The following EXOC8 variants were observed in gnomAD, a reference collection of about 807,000 sequenced individuals.
EXOC8 encodes the protein exocyst complex 84 kDa subunit.
Under a neutral mutation model 50.8 loss-of-function variants are expected in EXOC8, and 19 were observed. The ratio of observed to expected loss-of-function variants is 0.37; its 90% confidence interval spans 0.26 to 0.55. The LOEUF (loss-of-function observed/expected upper bound fraction) is 0.55, where lower values mean the gene tolerates loss of function less well. Ranked by LOEUF, EXOC8 falls within the 20% of genes least tolerant of loss-of-function variation. EXOC8 has a pLI of 0.80. For synonymous variants in EXOC8, 384 were observed against 367.9 expected, an observed-to-expected ratio of 1.04 and a Z score of -0.50; for missense variants, 781 against 915.8, an observed-to-expected ratio of 0.85 and a Z score of 1.90.
At position 231,335,794 on chromosome 1, in the gene EXOC8, A is replaced by G. The variant is rs146418424; in HGVS notation, c.1952T>C (p.Ile651Thr). 5.7e-5 allele frequency: 92 copies of G among 1,614,032 alleles called. No individual in the cohort carries two copies. The highest frequency in any genetic ancestry group is 7.6e-5 in the Non-Finnish European group (90 of 1,180,026). Reference protein sequence around the residue: ...MVLLESLVEIILVAVQHVDYS... With the variant: ...MVLLESLVEITLVAVQHVDYS... ...ATCCACATGCTGAACAGCAACCAAA[A>G]TGATTTCCACCAGGCTCTCCAAAAG... Residue 651 changes from isoleucine (I) to threonine (T), a missense_variant, in exon 1 of 1, where the codon ATT becomes ACT. Around this residue, in one of 3 missense-constraint regions of EXOC8, gnomAD observed 79 missense variants for 95.3 expected, o/e 0.83. Transcript: ENST00000366645.
rs1379952598 is a variant in EXOC8 at position 231,334,033 on chromosome 1, C to G, written c.*1535G>C. ...ACAGTTTCCCTCAAAGAATAAGGAA[C>G]GCTATAGAATATACAACAGCGATAG... On this transcript the variant is annotated 3_prime_UTR_variant, in exon 1 of 1. Coordinates refer to ENST00000366645, the MANE Select transcript of EXOC8 (RefSeq NM_175876.5). 1 of 152,150 alleles carries G rather than the reference C, an allele frequency of 6.6e-6. No individual in the cohort carries two copies. The highest frequency in any genetic ancestry group is 1.5e-5 in the Non-Finnish European group (1 of 68,028). The allele number at this position is 152,150 out of a possible 1,614,324, so 9.4% of individuals were successfully genotyped here. A position where few individuals can be genotyped will look rare whatever the true frequency, so the allele number is the denominator to read the frequency against.
Position 231,333,038 on chromosome 1 carries a change from TAATTC to T in EXOC8, c.*2525_*2529del. The T allele has an allele frequency of 6.6e-6, 1 of 152,326 alleles. No individual in the cohort carries two copies. The highest frequency in any genetic ancestry group is 1.9e-4 in the East Asian group (1 of 5,192). The allele number at this position is 152,326 out of a possible 1,614,324, so 9.4% of individuals were successfully genotyped here. ...GGTGTCTTTTTTCCCCAAGAGTAATTAATTCAATCAAGCCCATGATTCCAAGCTCA... is the reference window on the plus strand; with the variant it reads ...GGTGTCTTTTTTCCCCAAGAGTAATTAATCAAGCCCATGATTCCAAGCTCA... On this transcript the variant is annotated 3_prime_UTR_variant, in exon 1 of 1. Transcript: ENST00000366645.
chr1:231,332,889 T>G lies in EXOC8; in HGVS notation c.*2679A>C. The G allele has an allele frequency of 6.6e-6, 1 of 152,158 alleles. No individual in the cohort carries two copies. Among genetic ancestry groups the G allele is most frequent in the Non-Finnish European group, 1.5e-5 (1 of 68,032 alleles). The allele number at this position is 152,158 out of a possible 1,614,324, so 9.4% of individuals were successfully genotyped here. On this transcript the variant is annotated 3_prime_UTR_variant, in exon 1 of 1. Coordinates refer to ENST00000366645, the MANE Select transcript of EXOC8 (RefSeq NM_175876.5). ...CATGTCCCAAATTCCCAATCCTAGG[T>G]AAGATATCAAGTTACAAAATACAAG...
rs1686703448 is a variant in EXOC8 at position 231,337,315 on chromosome 1, C to T, written c.431G>A (p.Gly144Glu). Residue 144 changes from glycine (G) to glutamate (E), a missense_variant, in exon 1 of 1, where the codon GGG (glycine) becomes GAG (glutamate). By Grantham distance (98) the Gly-to-Glu change is moderately conservative. Around this residue, in one of 3 missense-constraint regions of EXOC8, gnomAD observed 700 missense variants for 804.1 expected, o/e 0.87. Coordinates refer to ENST00000366645, the MANE Select transcript of EXOC8 (RefSeq NM_175876.5). This position sits in a 1 kb window ranked among gnomAD's most constrained non-coding sequence, Gnocchi z 5.9. Reference sequence around the variant, plus strand: ...ACCGGAGCCGTCGCGGGAGGCACCCCCGGGGGTGGAGAAAAAGCCGGCCTG... The same window carrying T: ...ACCGGAGCCGTCGCGGGAGGCACCCTCGGGGGTGGAGAAAAAGCCGGCCTG... ...RGQAGFFSTPGGASRDGSGPG... is the reference protein window; with the variant it reads ...RGQAGFFSTPEGASRDGSGPG... 1.2e-6 allele frequency: 2 copies of T among 1,603,328 alleles called. No homozygotes were observed. Among genetic ancestry groups the T allele is most frequent in the Non-Finnish European group, 1.7e-6 (2 of 1,179,950 alleles).
At position 231,336,737 on chromosome 1, in the gene EXOC8, T is replaced by A. The variant is rs1487177586; in HGVS notation, c.1009A>T (p.Ile337Phe). The A allele has an allele frequency of 2.5e-6, 4 of 1,614,198 alleles. No homozygotes were observed. Among genetic ancestry groups the A allele is most frequent in the Non-Finnish European group, 3.4e-6 (4 of 1,180,040 alleles). The change falls in exon 1 of 1, where the codon ATC (isoleucine) becomes TTC (phenylalanine). Residue 337 changes from isoleucine (I) to phenylalanine (F), a missense_variant. Around this residue, in one of 3 missense-constraint regions of EXOC8, gnomAD observed 700 missense variants for 804.1 expected, o/e 0.87. Coordinates refer to ENST00000366645, the MANE Select transcript of EXOC8 (RefSeq NM_175876.5). The surrounding 1 kb of genome is among the most constrained non-coding windows in gnomAD (Gnocchi z 5.4). The stretch of plus-strand genomic sequence containing the variant: ...TCCAGGTCTTCAGGTAACTCCTGGA[T>A]CCATTCCATGGAGAGGTCCACCTTC... ...EEKVDLSMEW[I>F]QELPEDLDVC... is the part of the protein sequence containing the mutation.
At position 231,337,483 on chromosome 1, in the gene EXOC8, C is replaced by G; in HGVS notation, c.263G>C (p.Ser88Thr). ...SYLESEMYQL[S>T]HLLTEQKSSL... ...GCTTTTCTGCTCGGTCAGCAAATGG[C>G]TGAGCTGGTACATCTCGCTCTCCAG... The change falls in exon 1 of 1, where the codon AGC becomes ACC. Residue 88 changes from serine to threonine, a missense_variant. Physicochemically the swap from Ser to Thr is moderately conservative, Grantham distance 58. Transcript: ENST00000366645. The surrounding 1 kb of genome is among the most constrained non-coding windows in gnomAD (Gnocchi z 5.9). 6.2e-7 allele frequency: 1 copy of G among 1,613,478 alleles called. No homozygotes were observed. Among genetic ancestry groups the G allele is most frequent in the African/African-American group, 1.3e-5 (1 of 75,044 alleles).
At position 231,337,347 on chromosome 1, in the gene EXOC8, G is replaced by T. The variant is rs1686704764; in HGVS notation, c.399C>A (p.Leu133=). The T allele has an allele frequency of 1.2e-6, 2 of 1,602,274 alleles. No homozygotes were observed. Among genetic ancestry groups the T allele is most frequent in the South Asian group, 2.2e-5 (2 of 91,054 alleles). The part of the protein sequence containing the change: ...GVGGAGGRDH[L]RGQAGFFSTP... ...TGGAGAAAAAGCCGGCCTGGCCTCG[G>T]AGGTGGTCTCGGCCCCCCGCCCCAC... Residue 133 remains leucine (L), a synonymous_variant, in exon 1 of 1, where the codon CTC becomes CTA. Transcript: ENST00000366645. This position sits in a 1 kb window ranked among gnomAD's most constrained non-coding sequence, Gnocchi z 5.9.
chr1:231,335,465 G>T lies in EXOC8; in HGVS notation c.*103C>A. On this transcript the variant is annotated 3_prime_UTR_variant, in exon 1 of 1. Transcript: ENST00000366645. Reference sequence around the variant, plus strand: ...TTAAGAGGGCACTTTTAATTTTCAAGTTGTGTTTGAAACTATAGAGTATGC... The same window carrying T: ...TTAAGAGGGCACTTTTAATTTTCAATTTGTGTTTGAAACTATAGAGTATGC... 1 of 1,097,480 alleles carries T rather than the reference G, an allele frequency of 9.1e-7. No homozygotes were observed. Among genetic ancestry groups the T allele is most frequent in the Admixed American group, 3.5e-5 (1 of 28,870 alleles). 68.0% of individuals were successfully genotyped at this position (1,097,480 alleles called of 1,614,324 possible).
rs557400945 is a variant in EXOC8 at position 231,333,679 on chromosome 1, A to G, written c.*1889T>C. 6.5e-6 allele frequency: 1 copy of G among 152,798 alleles called. No homozygotes were observed. The highest frequency in any genetic ancestry group is 2.1e-4 in the South Asian group (1 of 4,830). 9.5% of individuals were successfully genotyped at this position (152,798 alleles called of 1,614,324 possible). A position where few individuals can be genotyped will look rare whatever the true frequency, so the allele number is the denominator to read the frequency against. On this transcript the variant is annotated 3_prime_UTR_variant, in exon 1 of 1. Coordinates refer to ENST00000366645, the MANE Select transcript of EXOC8 (RefSeq NM_175876.5). The stretch of plus-strand genomic sequence containing the variant: ...CTTTGCTCAGCTAAGATATCCAGTT[A>G]TGGTTACAACTTTCGAAAATCCTAA...
rs1243681507 is a variant in EXOC8 at position 231,333,045 on chromosome 1, A to G, written c.*2523T>C. The G allele has an allele frequency of 6.6e-6, 1 of 152,242 alleles. No individual in the cohort carries two copies. Among genetic ancestry groups the G allele is most frequent in the African/African-American group, 2.4e-5 (1 of 41,466 alleles). The allele number at this position is 152,242 out of a possible 1,614,324, so 9.4% of individuals were successfully genotyped here. ...TTTTTCCCCAAGAGTAATTAATTCA[A>G]TCAAGCCCATGATTCCAAGCTCAAG... On this transcript the variant is annotated 3_prime_UTR_variant, in exon 1 of 1. Coordinates refer to ENST00000366645, the MANE Select transcript of EXOC8 (RefSeq NM_175876.5).
Position 231,333,052 on chromosome 1 carries a change from C to A in EXOC8, c.*2516G>T, listed in dbSNP as rs1319799877. Reference sequence around the variant, plus strand: ...CCAAGAGTAATTAATTCAATCAAGCCCATGATTCCAAGCTCAAGTAACAAG... The same window carrying A: ...CCAAGAGTAATTAATTCAATCAAGCACATGATTCCAAGCTCAAGTAACAAG... On this transcript the variant is annotated 3_prime_UTR_variant, in exon 1 of 1. Coordinates refer to ENST00000366645, the MANE Select transcript of EXOC8 (RefSeq NM_175876.5). 6.6e-6 allele frequency: 1 copy of A among 152,154 alleles called. No individual in the cohort carries two copies. Among genetic ancestry groups the A allele is most frequent in the Non-Finnish European group, 1.5e-5 (1 of 68,028 alleles). 9.4% of individuals were successfully genotyped at this position (152,154 alleles called of 1,614,324 possible).
At position 231,333,012 on chromosome 1, in the gene EXOC8, A is replaced by G. The variant is rs1049791410; in HGVS notation, c.*2556T>C. Reference sequence around the variant, plus strand: ...AACCAAAGCAAGACTTAATGCCACAAGGTGTCTTTTTTCCCCAAGAGTAAT... The same window carrying G: ...AACCAAAGCAAGACTTAATGCCACAGGGTGTCTTTTTTCCCCAAGAGTAAT... On this transcript the variant is annotated 3_prime_UTR_variant, in exon 1 of 1. Coordinates refer to ENST00000366645, the MANE Select transcript of EXOC8 (RefSeq NM_175876.5). 6.6e-6 allele frequency: 1 copy of G among 151,990 alleles called. No individual in the cohort carries two copies. The highest frequency in any genetic ancestry group is 1.5e-5 in the Non-Finnish European group (1 of 68,024). The allele number at this position is 151,990 out of a possible 1,614,324, so 9.4% of individuals were successfully genotyped here.
rs201083797 is a variant in EXOC8 at position 231,337,405 on chromosome 1, G to A, written c.341C>T (p.Ala114Val). 247 of 1,604,958 alleles carry A rather than the reference G, an allele frequency of 1.5e-4. No homozygotes were observed. Among genetic ancestry groups the A allele is most frequent in the Non-Finnish European group, 2.1e-4 (242 of 1,179,492 alleles). The part of the protein sequence containing the change: ...TLLPAAAAAG[A>V]AAASGGEEGV... The stretch of plus-strand genomic sequence containing the variant: ...CTCCTCCCCTCCAGAGGCGGCGGCG[G>A]CTCCGGCGGCAGCAGCGGCAGGCAG... Residue 114 changes from alanine to valine, a missense_variant, in exon 1 of 1, where the codon GCC (alanine) becomes GTC (valine). Physicochemically the swap from Ala to Val is moderately conservative, Grantham distance 64. Coordinates refer to ENST00000366645, the MANE Select transcript of EXOC8 (RefSeq NM_175876.5). This position sits in a 1 kb window ranked among gnomAD's most constrained non-coding sequence, Gnocchi z 5.9.
Position 231,335,961 on chromosome 1 carries a change from A to C in EXOC8, c.1785T>G (p.Ser595Arg), listed in dbSNP as rs1367915498. 1 of 1,613,986 alleles carries C rather than the reference A, an allele frequency of 6.2e-7. No homozygotes were observed. Among genetic ancestry groups the C allele is most frequent in the South Asian group, 1.1e-5 (1 of 91,068 alleles). ...ALGKLKEEMK[S>R]CGVSNFEQYT... ...ACTGCTCAAAGTTACTTACCCCACA[A>C]CTTTTCATCTCTTCTTTGAGCTTAC... Residue 595 changes from serine to arginine, a missense_variant, in exon 1 of 1, where the codon AGT becomes AGG. Around this residue, in one of 3 missense-constraint regions of EXOC8, gnomAD observed 700 missense variants for 804.1 expected, o/e 0.87. Transcript: ENST00000366645.
Position 231,335,535 on chromosome 1 carries a change from C to T in EXOC8, c.*33G>A, listed in dbSNP as rs546929222. 459 of 1,493,700 alleles carry T rather than the reference C, an allele frequency of 3.1e-4. 4 individuals are homozygous for T. In the South Asian group the frequency reaches 6.3e-3, roughly 20 times the overall value. The allele number at this position is 1,493,700 out of a possible 1,614,324, so 92.5% of individuals were successfully genotyped here. On this transcript the variant is annotated 3_prime_UTR_variant, in exon 1 of 1. Transcript: ENST00000366645. ...TATAAATAATATATAAGCTCTCTCT[C>T]TGCATATATACACATATAAACAGAC...
chr1:231,336,981 C>CATA lies in EXOC8; in HGVS notation c.762_764dup (p.Leu254_Met255insIle). On this transcript the variant is annotated inframe_insertion, in exon 1 of 1. Coordinates refer to ENST00000366645, the MANE Select transcript of EXOC8 (RefSeq NM_175876.5). This position sits in a 1 kb window ranked among gnomAD's most constrained non-coding sequence, Gnocchi z 5.4. ...CCTGGAAAATACGGCTCTCGGGGAACATAAGCAGCTTGAACATGTCCTTCA... is the reference window on the plus strand; with the variant it reads ...CCTGGAAAATACGGCTCTCGGGGAACATAATAAGCAGCTTGAACATGTCCTTCA... The CATA allele has an allele frequency of 6.2e-7, 1 of 1,614,164 alleles. No individual in the cohort carries two copies. Among genetic ancestry groups the CATA allele is most frequent in the Non-Finnish European group, 8.5e-7 (1 of 1,180,042 alleles).
Position 231,337,416 on chromosome 1 carries a change from A to G in EXOC8, c.330T>C (p.Ala110=). 1.2e-6 allele frequency: 2 copies of G among 1,606,492 alleles called. No homozygotes were observed. The highest frequency in any genetic ancestry group is 2.2e-5 in the South Asian group (2 of 91,046). Reference sequence around the variant, plus strand: ...CAGAGGCGGCGGCGGCTCCGGCGGCAGCAGCGGCAGGCAGCAACGTAAGCG... The same window carrying G: ...CAGAGGCGGCGGCGGCTCCGGCGGCGGCAGCGGCAGGCAGCAACGTAAGCG... The part of the protein sequence containing the change: ...SIPLTLLPAA[A]AAGAAAASGG... Residue 110 remains alanine (A), a synonymous_variant, in exon 1 of 1, where the codon GCT becomes GCC. Transcript: ENST00000366645. The surrounding 1 kb of genome is among the most constrained non-coding windows in gnomAD (Gnocchi z 5.9).
In EXOC8 at chr1:231,334,912, T is replaced by C. The variant is rs1314308114; in HGVS notation, c.*656A>G. The stretch of plus-strand genomic sequence containing the variant: ...TGAGGCAGGTTGTTTTATACGGCAC[T>C]GTACCCTTTAGGAAACCTAACATTT... On this transcript the variant is annotated 3_prime_UTR_variant, in exon 1 of 1. Coordinates refer to ENST00000366645, the MANE Select transcript of EXOC8 (RefSeq NM_175876.5). 2 of 152,192 alleles carry C rather than the reference T, an allele frequency of 1.3e-5. No homozygotes were observed. The highest frequency in any genetic ancestry group is 2.9e-5 in the Non-Finnish European group (2 of 68,050). The allele number at this position is 152,192 out of a possible 1,614,324, so 9.4% of individuals were successfully genotyped here. A position where few individuals can be genotyped will look rare whatever the true frequency, so the allele number is the denominator to read the frequency against.
Position 231,335,612 on chromosome 1 carries a change from T to C in EXOC8, c.2134A>G (p.Arg712Gly), listed in dbSNP as rs1686648216. 6.2e-7 allele frequency: 1 copy of C among 1,613,706 alleles called. No homozygotes were observed. The highest frequency in any genetic ancestry group is 8.5e-7 in the Non-Finnish European group (1 of 1,179,800). ...CTTTCAGGATTCACACGAATAAGTC[T>C]AGATGCATTCCTCAGATCTTGGAGT... ...KQLQDLRNAS[R>G]LIRVNPESTT... Residue 712 changes from arginine (R) to glycine (G), a missense_variant, in exon 1 of 1, where the codon AGA becomes GGA. By Grantham distance (125) the Arg-to-Gly change is moderately radical. Around this residue, in one of 3 missense-constraint regions of EXOC8, gnomAD observed 79 missense variants for 95.3 expected, o/e 0.83. Coordinates refer to ENST00000366645, the MANE Select transcript of EXOC8 (RefSeq NM_175876.5).
Sources: gnomAD v4.1 joint callset for allele counts on GRCh38, gnomAD v4.1.1 for gene constraint, gnomAD v4.1.1 regional missense constraint, Gnocchi (gnomAD v3.1) non-coding constraint, MANE v1.5 for transcripts, NCBI Gene and HGNC (gene_info 2026-07-23, HGNC 2026-07-21) for gene names.